Variants in HACL1 observed in about 807,000 individuals in gnomAD.
The protein encoded by HACL1 is 1600020H07Rik.
HACL1 carries 64 observed loss-of-function variants against 74.2 expected under a neutral mutation model. That is an observed-to-expected ratio of 0.86 (90% CI 0.70 to 1.06). The LOEUF (loss-of-function observed/expected upper bound fraction) is 1.06, where lower values mean the gene tolerates loss of function less well. HACL1 is among the 50% of genes least tolerant of loss of function. The pLI, the probability that HACL1 is intolerant of heterozygous loss-of-function variation, is 0.00. For synonymous variants in HACL1, 230 were observed against 238.8 expected (o/e 0.96, Z 0.34); for missense variants, 728 against 719.7 (o/e 1.01, Z -0.13).
intron 16 of HACL1, among the ~76,000 whole-genome samples, chr3:15,561,257 G>A (rs530072598): frequency 1.5e-4 from 23 of 152,318 alleles, no homozygotes; most frequent in African/African-American, 4.3e-4. Flanking sequence ...AACTGTGCAC[G>A]GAAGTCTTTT....
Position 15,601,091 on chromosome 3 carries a change from G to A in HACL1, c.185C>T (p.Ala62Val). ...TCAGCCACCTGAGTCCATACTCACCGCTTGCTCATTCCTCATCCCGATGTA... is the reference window on the plus strand; with the variant it reads ...TCAGCCACCTGAGTCCATACTCACCACTTGCTCATTCCTCATCCCGATGTA... ...IKYIGMRNEQ[A>V]ACYAASAIGY... Residue 62 changes from alanine (A) to valine (V), a missense_variant and splice_region_variant, in exon 2 of 17, where the codon GCG (alanine) becomes GTG (valine). Physicochemically the swap from Ala to Val is moderately conservative, Grantham distance 64 (BLOSUM62 0). Coordinates refer to ENST00000321169, the MANE Select transcript of HACL1 (RefSeq NM_012260.4). The A allele has an allele frequency of 1.2e-6, 2 of 1,600,992 alleles. No homozygotes were observed. Among genetic ancestry groups the A allele is most frequent in the Non-Finnish European group, 1.7e-6 (2 of 1,167,970 alleles).
At chr3:15,590,958 G>A (rs1450574610) in intron 4 of HACL1, among the ~76,000 whole-genome samples, 2 of 152,168 alleles carry the variant, frequency 1.3e-5, no homozygotes, top group Non-Finnish European at 2.9e-5. Context: ...GCAGGGGCCT[G>A]TAATCCCAGC....
At chr3:15,598,522 T>C (rs1410629370) in intron 2 of HACL1, among the ~76,000 whole-genome samples, 1 of 152,206 alleles carries the variant, frequency 6.6e-6, no homozygotes, top group African/African-American at 2.4e-5. Context: ...ATGAAAATAA[T>C]TCAAAGCACT....
Position 15,586,578 on chromosome 3 carries a change from T to A in HACL1, c.406A>T (p.Lys136Ter). 1 of 1,597,230 alleles carries A rather than the reference T, an allele frequency of 6.3e-7. No individual in the cohort carries two copies. The highest frequency in any genetic ancestry group is 2.2e-5 in the East Asian group (1 of 44,590). Residue 136 changes from lysine to a stop codon, truncating the protein, a stop_gained, in exon 6 of 17, where the codon AAG (lysine) becomes TAG (stop). Coordinates refer to ENST00000321169, the MANE Select transcript of HACL1 (RefSeq NM_012260.4). LOFTEE classifies it high-confidence loss of function. ...PQVEACRLYT[K>*]FSARPSSIEA... is the part of the protein sequence containing the mutation. The stretch of plus-strand genomic sequence containing the variant: ...ATGCTGCTTGGGCGGGCAGAGAACT[T>A]GGTATATAATCTACAAGCTTCAACC...
intron 2 of HACL1, 59 bp downstream of exon 2, chr3:15,601,031 C>G: frequency 9.8e-7 from 1 of 1,017,556 alleles, no homozygotes; most frequent in Non-Finnish European, 1.6e-6. Flanking sequence ...GCAATGCATA[C>G]CTACCGCTAT....
At chr3:15,575,178 G>C in intron 9 of HACL1, 96 bp from the exon 10 acceptor site, 1 of 653,104 alleles carries the variant, frequency 1.5e-6, no homozygotes, top group Non-Finnish European at 2.8e-6. Context: ...AAATCATTTG[G>C]AGCTTACATC....
chr3:15,564,402 G>A, intron 15 of HACL1, 149 bp downstream of exon 15: 1 of 560,360 alleles, frequency 1.8e-6, no homozygotes, highest in South Asian at 2.2e-5. Context: ...GAGGAACTAA[G>A]ACAGGATTCC....
chr3:15,561,050 T>TA (rs1179554887), intron 16 of HACL1, among the ~76,000 whole-genome samples, 153 bp from the exon 17 acceptor site: 1 of 152,238 alleles, frequency 6.6e-6, no homozygotes, highest in Non-Finnish European at 1.5e-5. Context: ...AAAAAGGACC[T>TA]AAAAACCTAT....
At chr3:15,583,848 G>C (rs373480745) in intron 7 of HACL1, among the ~76,000 whole-genome samples, 1 of 151,858 alleles carries the variant, frequency 6.6e-6, no homozygotes, top group Non-Finnish European at 1.5e-5. Flanking sequence ...CGTAGAGATG[G>C]GGTTTCACTA....
intron 6 of HACL1, among the ~76,000 whole-genome samples, chr3:15,586,068 C>A (rs2063788949): frequency 6.6e-6 from 1 of 152,056 alleles, no homozygotes. Context: ...TGCAAATATT[C>A]TAAAATCTGA....
At chr3:15,593,500 T>C (rs1271961405) in intron 3 of HACL1, among the ~76,000 whole-genome samples, 1 of 152,076 alleles carries the variant, frequency 6.6e-6, no homozygotes, top group East Asian at 1.9e-4. Flanking sequence ...ATTACAGGCA[T>C]AAGCCAGCAT....
chr3:15,570,634 GCACACACA>G lies in HACL1; in HGVS notation c.1095+1026_1095+1033del, dbSNP rs111413291. Among the ~76,000 whole-genome samples the G allele has an allele frequency of 2.8e-3, 411 of 148,120 alleles. 3 individuals carry two copies. Among genetic ancestry groups the G allele is most frequent in the African/African-American group, 9.9e-3 (398 of 40,406 alleles). ...TAGGGAAAGCACAATACACACACATGCACACACACACACACACACTTTACTAGAAATCG... is the reference window on the plus strand; with the variant it reads ...TAGGGAAAGCACAATACACACACATGCACACACACACTTTACTAGAAATCG... On this transcript the variant is annotated intron_variant, in intron 12 of 16. Transcript: ENST00000321169.
chr3:15,568,504 A>C lies in HACL1; in HGVS notation c.1178T>G (p.Phe393Cys). The change falls in exon 13 of 17, where the codon TTC (phenylalanine) becomes TGC (cysteine). Residue 393 changes from phenylalanine (F) to cysteine (C), a missense_variant. Phe to Cys is a radical substitution (Grantham distance 205). Transcript: ENST00000321169. ...AGTATTTGCTCCTTCACTTACCACG[A>C]AACAGTCTCTAGGTAGTTGTTCTTG... ...HVQEQLPRDC[F>C]VVSEGANTMD... is the part of the protein sequence containing the mutation. 1.9e-6 allele frequency: 3 copies of C among 1,599,890 alleles called. No individual in the cohort carries two copies. The highest frequency in any genetic ancestry group is 2.6e-6 in the Non-Finnish European group (3 of 1,167,180).
intron 2 of HACL1, among the ~76,000 whole-genome samples, chr3:15,599,200 G>C (rs1365440044): frequency 6.6e-6 from 1 of 152,204 alleles, no homozygotes; most frequent in Admixed American, 6.5e-5. Flanking sequence ...TCCACAGCTT[G>C]GCTGTAAGCC....
Position 15,580,036 on chromosome 3 carries a change from T to C in HACL1, c.677A>G (p.Tyr226Cys). 6.2e-7 allele frequency: 1 copy of C among 1,612,320 alleles called. No individual in the cohort carries two copies. Among genetic ancestry groups the C allele is most frequent in the Non-Finnish European group, 8.5e-7 (1 of 1,178,626 alleles). The change falls in exon 9 of 17, where the codon TAC (tyrosine) becomes TGC (cysteine). Residue 226 changes from tyrosine (Y) to cysteine (C), a missense_variant. Coordinates refer to ENST00000321169, the MANE Select transcript of HACL1 (RefSeq NM_012260.4). ...PLLIIGKGAAYAHAEESIKKL... is the reference protein window; with the variant it reads ...PLLIIGKGAACAHAEESIKKL... Reference sequence around the variant, plus strand: ...CTTGATACTCTCTTCTGCATGAGCGTAAGCAGCACCTATAAGAAATGCAAA... The same window carrying C: ...CTTGATACTCTCTTCTGCATGAGCGCAAGCAGCACCTATAAGAAATGCAAA...
Position 15,600,882 on chromosome 3 carries a change from T to A in HACL1, c.186+208A>T. 3 of 607,350 alleles carry A rather than the reference T, an allele frequency of 4.9e-6. No homozygotes were observed. The East Asian group carries it at 8.3e-5, about 17-fold the overall frequency. The allele number at this position is 607,350 out of a possible 1,614,324, so 37.6% of individuals were successfully genotyped here. On this transcript the variant is annotated intron_variant, in intron 2 of 16. Coordinates refer to ENST00000321169, the MANE Select transcript of HACL1 (RefSeq NM_012260.4). ...AAACCCTGGCTCTGCTACTACCAGC[T>A]GTGTCACCAAAGGCAAGTTTTACTT...
intron 3 of HACL1, among the ~76,000 whole-genome samples, chr3:15,592,313 T>C (rs894784238): frequency 1.4e-5 from 2 of 146,854 alleles, no homozygotes; most frequent in Non-Finnish European, 3.0e-5. Flanking sequence ...TATATATGTA[T>C]ACATATATGT....
Position 15,568,123 on chromosome 3 carries a change from C to A in HACL1, c.1251-121G>T, listed in dbSNP as rs2063467275. 4 of 860,848 alleles carry A rather than the reference C, an allele frequency of 4.6e-6. No homozygotes were observed. In the South Asian group the frequency reaches 6.9e-5, roughly 15 times the overall value. 53.3% of individuals were successfully genotyped at this position (860,848 alleles called of 1,614,324 possible). On this transcript the variant is annotated intron_variant, in intron 13 of 16. Coordinates refer to ENST00000321169, the MANE Select transcript of HACL1 (RefSeq NM_012260.4). The stretch of plus-strand genomic sequence containing the variant: ...AAAAATGAAGAACCATAAAAACATT[C>A]TCTTTCTTCAATATAAAATCTTTAG...
At position 15,596,658 on chromosome 3, in the gene HACL1, C is replaced by T. The variant is rs188392858; in HGVS notation, c.187-234G>A. On this transcript the variant is annotated intron_variant, in intron 2 of 16. Transcript: ENST00000321169. ...TATTCAAAACATCCTCTTACAATTG[C>T]TTAAATATCTGCAGGATCAATAGGA... Among the ~76,000 whole-genome samples, 244 of 152,270 alleles carry T rather than the reference C, an allele frequency of 1.6e-3. 1 individual carries two copies. The highest frequency in any genetic ancestry group is 5.3e-3 in the African/African-American group (222 of 41,540).
Sources: allele counts gnomAD v4.1 joint callset (sites outside exome capture counted in the v4.1 genomes callset), GRCh38; gene constraint gnomAD v4.1.1; transcripts MANE v1.5; gene names NCBI Gene and HGNC (gene_info 2026-07-23, HGNC 2026-07-21).